Variants in MEOX2 observed in about 807,000 individuals in gnomAD.
MEOX2 encodes the protein homeobox protein MOX-2.
Under a neutral mutation model 27.0 loss-of-function variants are expected in MEOX2, and 11 were observed. The ratio of observed to expected loss-of-function variants is 0.41; its 90% CI spans 0.26 to 0.68. The LOEUF (loss-of-function observed/expected upper bound fraction) is 0.68, where lower values mean the gene tolerates loss of function less well. Ranked by LOEUF, MEOX2 falls within the 30% of genes least tolerant of loss-of-function variation. The pLI is 0.33. For synonymous variants in MEOX2, 189 were observed against 155.4 expected (o/e 1.22, Z -1.61); for missense variants, 436 against 385.4 (o/e 1.13, Z -1.10).
At chr7:15,628,181 T>C (rs944092298) in intron 1 of MEOX2, among the ~76,000 whole-genome samples, 5 of 152,064 alleles carry the variant, frequency 3.3e-5, no homozygotes, top group East Asian at 1.9e-4. Flanking sequence ...TGCTTAAATA[T>C]GCTAAGAAGT....
intron 1 of MEOX2, among the ~76,000 whole-genome samples, chr7:15,665,289 G>GAA (rs3839756): frequency 7.3e-5 from 11 of 151,478 alleles, no homozygotes; most frequent in Admixed American, 5.3e-4. Context: ...CTTAAAGTAT[G>GAA]AAAAAAAAGC....
intron 1 of MEOX2, among the ~76,000 whole-genome samples, chr7:15,661,792 G>A (rs1404062055): frequency 6.6e-6 from 1 of 152,096 alleles, no homozygotes; most frequent in Non-Finnish European, 1.5e-5. Flanking sequence ...CTGTGGTTTT[G>A]ACATTATTAG....
chr7:15,663,702 A>T (rs1781951886), intron 1 of MEOX2, among the ~76,000 whole-genome samples: 1 of 152,334 alleles, frequency 6.6e-6, no homozygotes, highest in African/African-American at 2.4e-5. Flanking sequence ...CAAAAATAAC[A>T]TGCAAGCTTT....
rs1258209754 is a variant in MEOX2, at chr7:15,686,027, C to G, written c.376G>C (p.Val126Leu). Residue 126 changes from valine to leucine, a missense_variant, in exon 1 of 3, where the codon GTC becomes CTC. Val to Leu is a conservative substitution (Grantham distance 32). Transcript: ENST00000262041. ...AAGCTGGAAGAGTTGGAGCACAGGA[C>G]GGGCGGGCTGCTCCCCAACTCTGGG... Reference protein sequence around the residue: ...GPPELGSSPPVLCSNSSSLGS... With the variant: ...GPPELGSSPPLLCSNSSSLGS... 6.2e-7 allele frequency: 1 copy of G among 1,606,808 alleles called. No homozygotes were observed. Among genetic ancestry groups the G allele is most frequent in the Admixed American group, 1.7e-5 (1 of 59,806 alleles).
At chr7:15,619,862 T>C (rs1468885479) in intron 2 of MEOX2, among the ~76,000 whole-genome samples, 1 of 152,078 alleles carries the variant, frequency 6.6e-6, no homozygotes, top group Non-Finnish European at 1.5e-5. Context: ...ACTTATTTCT[T>C]AGTCTTTTAC....
intron 1 of MEOX2, among the ~76,000 whole-genome samples, chr7:15,672,271 T>C (rs1210263037): frequency 6.6e-6 from 1 of 152,194 alleles, no homozygotes; most frequent in Non-Finnish European, 1.5e-5. Context: ...TAATGTTTTG[T>C]CTCTATTAGA....
intron 1 of MEOX2, among the ~76,000 whole-genome samples, chr7:15,675,637 T>G (rs1009511249): frequency 3.9e-5 from 6 of 152,238 alleles, no homozygotes; most frequent in Admixed American, 3.9e-4. Context: ...TTCATTGAAC[T>G]GGGTAGTGCC....
At chr7:15,657,309 G>A (rs1234146482) in intron 1 of MEOX2, among the ~76,000 whole-genome samples, 2 of 151,948 alleles carry the variant, frequency 1.3e-5, no homozygotes, top group Non-Finnish European at 2.9e-5. Flanking sequence ...TCCCCGTCAG[G>A]AATTCCAATT....
intron 1 of MEOX2, among the ~76,000 whole-genome samples, chr7:15,678,662 T>G (rs2115396013): frequency 6.6e-6 from 1 of 152,328 alleles, no homozygotes; most frequent in Non-Finnish European, 1.5e-5. Context: ...ACTCTGAATA[T>G]ATTTCACTAC....
At chr7:15,682,712 C>G (rs1279060952) in intron 1 of MEOX2, among the ~76,000 whole-genome samples, 1 of 151,778 alleles carries the variant, frequency 6.6e-6, no homozygotes, top group Non-Finnish European at 1.5e-5. Flanking sequence ...CTAGATTGCT[C>G]AAAGAGCAAC....
chr7:15,648,261 T>G (rs762869141), intron 1 of MEOX2, among the ~76,000 whole-genome samples: 15 of 152,080 alleles, frequency 9.9e-5, no homozygotes, highest in Non-Finnish European at 1.9e-4. Context: ...TTTAAAGAAG[T>G]AAAACTGAAT....
intron 1 of MEOX2, among the ~76,000 whole-genome samples, chr7:15,656,703 T>C (rs930457873): frequency 2.0e-5 from 3 of 152,020 alleles, no homozygotes; most frequent in Admixed American, 6.5e-5. Context: ...ATTATAACTT[T>C]TGCTTTATGT....
chr7:15,614,860 A>G (rs1246061844), intron 2 of MEOX2, among the ~76,000 whole-genome samples: 1 of 152,160 alleles, frequency 6.6e-6, no homozygotes, highest in Non-Finnish European at 1.5e-5. Context: ...ATTTCCAAAG[A>G]CATAATTATA....
At chr7:15,671,162 C>T (rs1261272091) in intron 1 of MEOX2, among the ~76,000 whole-genome samples, 1 of 152,082 alleles carries the variant, frequency 6.6e-6, no homozygotes, top group Non-Finnish European at 1.5e-5. Flanking sequence ...TCTAGATGAA[C>T]TTAATCATAT....
At chr7:15,656,418 C>T (rs1295657434) in intron 1 of MEOX2, among the ~76,000 whole-genome samples, 1 of 150,550 alleles carries the variant, frequency 6.6e-6, no homozygotes, top group South Asian at 2.1e-4. Flanking sequence ...TCATTGTTTC[C>T]TTGGTTTTTC....
chr7:15,644,064 C>T (rs1583762491), intron 1 of MEOX2, among the ~76,000 whole-genome samples: 1 of 152,186 alleles, frequency 6.6e-6, no homozygotes, highest in Non-Finnish European at 1.5e-5. Flanking sequence ...CTGACAATGG[C>T]TGTGGACCTG....
intron 1 of MEOX2, among the ~76,000 whole-genome samples, chr7:15,654,815 T>G (rs969671779): frequency 3.3e-5 from 5 of 151,764 alleles, no homozygotes; most frequent in Non-Finnish European, 5.9e-5. Flanking sequence ...ATTTTACATC[T>G]ATTTTAATGA....
intron 1 of MEOX2, among the ~76,000 whole-genome samples, chr7:15,635,790 A>T (rs1781471093): frequency 6.6e-6 from 1 of 152,008 alleles, no homozygotes; most frequent in Non-Finnish European, 1.5e-5. Context: ...TGGGCCCCTA[A>T]AAGTATCTAT....
chr7:15,677,045 C>A (rs1262429266), intron 1 of MEOX2, among the ~76,000 whole-genome samples: 2 of 152,110 alleles, frequency 1.3e-5, no homozygotes, highest in Admixed American at 1.3e-4. Flanking sequence ...TCTTACATAA[C>A]TTGGCTAGAA....
Sources: allele counts gnomAD v4.1 joint callset (sites outside exome capture counted in the v4.1 genomes callset), GRCh38; gene constraint gnomAD v4.1.1; transcripts MANE v1.5; gene names NCBI Gene and HGNC (gene_info 2026-07-23, HGNC 2026-07-21).